The following CUEDC1 variants were observed in gnomAD, a reference collection of about 807,000 sequenced individuals.
The protein encoded by CUEDC1 is CUE domain containing 1.
Under a neutral mutation model 43.7 loss-of-function variants are expected in CUEDC1, and 30 were observed. That is an observed-to-expected ratio of 0.69 (90% CI 0.51 to 0.93). The LOEUF is 0.93. Among genes scored for constraint, CUEDC1 ranks in the 40% least tolerant of loss-of-function variants. The pLI is 0.00. For synonymous variants in CUEDC1, 223 were observed against 223.6 expected (o/e 1.00, Z 0.02); for missense variants, 486 against 549.0 (o/e 0.89, Z 1.15).
At chr17:57,949,498 A>AC (rs1466072295) in intron 1 of CUEDC1, among the ~76,000 whole-genome samples, 4 of 115,232 alleles carry the variant, frequency 3.5e-5, no homozygotes, top group Non-Finnish European at 7.3e-5. Context: ...AAATCCCACA[A>AC]CCCCCCCAGC....
chr17:57,924,132 C>G (rs539162544), intron 1 of CUEDC1, among the ~76,000 whole-genome samples: 1 of 151,382 alleles, frequency 6.6e-6, no homozygotes, highest in African/African-American at 2.4e-5. Flanking sequence ...TTTGAGACAG[C>G]GTCTCACTCT....
intron 9 of CUEDC1, chr17:57,866,886 C>T (rs1352697730): frequency 8.3e-6 from 3 of 360,474 alleles, no homozygotes; most frequent in African/African-American, 2.0e-5. Context: ...TCCTGACCCT[C>T]GAATGTGGCA....
In CUEDC1 at chr17:57,940,939, C is replaced by A. The variant is rs145650806; in HGVS notation, c.-316+14286G>T. On this transcript the variant is annotated intron_variant, in intron 1 of 10. Coordinates refer to ENST00000577830, the MANE Select transcript of CUEDC1 (RefSeq NM_001271875.2). ...CCTGAGCCCCAGAGAAGCTAAGCTG[C>A]CAGGAGGCAAAGACAGCTTGTCCTA... Among the ~76,000 whole-genome samples the A allele has an allele frequency of 7.0e-4, 106 of 152,334 alleles. No individual in the cohort carries two copies. In the East Asian group the frequency reaches 0.01, roughly 15 times the overall value.
At chr17:57,877,846 G>A (rs2074147825) in intron 3 of CUEDC1, among the ~76,000 whole-genome samples, 2 of 143,926 alleles carry the variant, frequency 1.4e-5, no homozygotes, top group South Asian at 4.3e-4. Flanking sequence ...GATAATCCCA[G>A]TGCACTCCAG....
intron 1 of CUEDC1, among the ~76,000 whole-genome samples, chr17:57,917,471 C>T (rs1041411674): frequency 6.6e-6 from 1 of 152,214 alleles, no homozygotes; most frequent in Non-Finnish European, 1.5e-5. Context: ...CTTCACTCCA[C>T]GGAGTCTCTT....
intron 1 of CUEDC1, among the ~76,000 whole-genome samples, chr17:57,952,458 C>T (rs2075015920): frequency 6.6e-6 from 1 of 152,056 alleles, no homozygotes; most frequent in Non-Finnish European, 1.5e-5. Context: ...AACTCCTGAC[C>T]TCAGGTGATC....
chr17:57,869,538 C>G (rs1442486667), intron 6 of CUEDC1, among the ~76,000 whole-genome samples: 1 of 152,228 alleles, frequency 6.6e-6, no homozygotes, highest in Non-Finnish European at 1.5e-5. Flanking sequence ...CCAAGCACTA[C>G]ATATCAGGCT....
At chr17:57,941,766 A>G (rs1022838713) in intron 1 of CUEDC1, among the ~76,000 whole-genome samples, 6 of 152,258 alleles carry the variant, frequency 3.9e-5, no homozygotes, top group African/African-American at 1.4e-4. Context: ...TAGGGTCAGT[A>G]TAAGGACTAA....
intron 1 of CUEDC1, among the ~76,000 whole-genome samples, chr17:57,946,865 C>T (rs2074964410): frequency 1.3e-5 from 2 of 152,262 alleles, no homozygotes; most frequent in Middle Eastern, 3.4e-3. Context: ...GTGCTGCCTT[C>T]CCCAACTCCA....
chr17:57,948,504 C>T (rs2074978092), intron 1 of CUEDC1, among the ~76,000 whole-genome samples: 1 of 152,180 alleles, frequency 6.6e-6, no homozygotes, highest in African/African-American at 2.4e-5. Context: ...GGGCATTCTT[C>T]AATCACTCCA....
chr17:57,872,949 A>C (rs2074057187), intron 4 of CUEDC1, 94 bp from the exon 5 acceptor site: 3 of 1,186,826 alleles, frequency 2.5e-6, no homozygotes, highest in Non-Finnish European at 3.6e-6. Flanking sequence ...TGCCCTGTCC[A>C]ACATCCTCCA....
Position 57,867,369 on chromosome 17 carries a change from C to T in CUEDC1, c.1081G>A (p.Gly361Ser). The part of the protein sequence containing the change: ...STANLLDDVE[G>S]HACDEDFRGR... ...CCTCCAGCCTCACCACACGCGTGGC[C>T]CTCCACATCATCCAGGAGGTTGGCT... The change falls in exon 9 of 11, where the codon GGC (glycine) becomes AGC (serine). Residue 361 changes from glycine (G) to serine (S), a missense_variant. Transcript: ENST00000577830. The T allele has an allele frequency of 6.4e-7, 1 of 1,552,268 alleles. No individual in the cohort carries two copies. Among genetic ancestry groups the T allele is most frequent in the Non-Finnish European group, 8.7e-7 (1 of 1,147,248 alleles).
intron 1 of CUEDC1, among the ~76,000 whole-genome samples, chr17:57,891,273 T>G (rs1568039176): frequency 6.6e-6 from 1 of 152,218 alleles, no homozygotes; most frequent in Non-Finnish European, 1.5e-5. Flanking sequence ...CTCCCCTGCC[T>G]TCTCCATCTT....
intron 1 of CUEDC1, among the ~76,000 whole-genome samples, chr17:57,945,875 C>T (rs185476181): frequency 8.2e-4 from 124 of 152,084 alleles, no homozygotes; most frequent in Middle Eastern, 3.4e-3. Flanking sequence ...CAAAAATTAG[C>T]TGGGCATGGG....
In CUEDC1 at chr17:57,929,704, C is replaced by T. The variant is rs117444216; in HGVS notation, c.-316+25521G>A. ...GCACTGTTTTAAAGCACTGCAAAGACGGGTCATACAAGACACTCAAACAAG... is the reference window on the plus strand; with the variant it reads ...GCACTGTTTTAAAGCACTGCAAAGATGGGTCATACAAGACACTCAAACAAG... On this transcript the variant is annotated intron_variant, in intron 1 of 10. Transcript: ENST00000577830. Among the ~76,000 whole-genome samples the T allele has an allele frequency of 6.9e-3, 1,052 of 152,280 alleles. 6 individuals carry two copies. The highest frequency in any genetic ancestry group is 0.012 in the Non-Finnish European group (807 of 68,026).
At chr17:57,945,848 T>C (rs1055596483) in intron 1 of CUEDC1, among the ~76,000 whole-genome samples, 6 of 151,996 alleles carry the variant, frequency 3.9e-5, no homozygotes, top group Non-Finnish European at 7.4e-5. Context: ...GGTGAAACAC[T>C]GTCTCTACTA....
At chr17:57,876,034 C>T (rs2074119475) in intron 3 of CUEDC1, among the ~76,000 whole-genome samples, 1 of 152,144 alleles carries the variant, frequency 6.6e-6, no homozygotes, top group Non-Finnish European at 1.5e-5. Flanking sequence ...CAAACTCTGC[C>T]CCATCTGCAG....
chr17:57,882,378 A>G (rs929677740), intron 2 of CUEDC1, among the ~76,000 whole-genome samples: 4 of 152,068 alleles, frequency 2.6e-5, no homozygotes, highest in African/African-American at 7.2e-5. Context: ...GATTCTTAGA[A>G]AAACAGAAGT....
chr17:57,909,976 T>C (rs2074566714), intron 1 of CUEDC1, among the ~76,000 whole-genome samples: 1 of 152,182 alleles, frequency 6.6e-6, no homozygotes, highest in African/African-American at 2.4e-5. Flanking sequence ...TGTTTGGTTC[T>C]GGTTTTGTTT....
Sources: allele counts gnomAD v4.1 joint callset (sites outside exome capture counted in the v4.1 genomes callset), GRCh38; gene constraint gnomAD v4.1.1; transcripts MANE v1.5; gene names NCBI Gene and HGNC (gene_info 2026-07-23, HGNC 2026-07-21).